Variants in CENPK observed in about 807,000 individuals in gnomAD.
The protein encoded by CENPK is centromere protein K.
CENPK carries 46 observed loss-of-function variants against 40.9 expected under a neutral mutation model. That is an observed-to-expected ratio of 1.13 (90% confidence interval 0.89 to 1.44). The LOEUF (loss-of-function observed/expected upper bound fraction) is 1.44. CENPK is among the 40% of genes most tolerant of loss of function. The probability of loss-of-function intolerance (pLI) is 0.00; values close to 1 mark genes in which losing one functional copy is unlikely to be tolerated. For missense variants in CENPK, 288 were observed against 303.5 expected (o/e 0.95, Z 0.38); for synonymous variants, 107 against 104.4 (o/e 1.02, Z -0.15).
chr5:65,502,653 C>A, the CENPK span, among the ~76,000 whole-genome samples: 2 of 151,954 alleles, frequency 1.3e-5, no homozygotes, highest in African/African-American at 4.8e-5. Context: ...CTCTGTCACC[C>A]AGGCTAGAGG....
intron 6 of CENPK, among the ~76,000 whole-genome samples, chr5:65,535,523 A>G (rs1358235987): frequency 6.6e-6 from 1 of 152,228 alleles, no homozygotes; most frequent in African/African-American, 2.4e-5. Flanking sequence ...ATACATAGTT[A>G]AGGTCAGTTA....
chr5:65,522,997 G>C (rs1326055485), intron 9 of CENPK, among the ~76,000 whole-genome samples: 1 of 152,094 alleles, frequency 6.6e-6, no homozygotes, highest in East Asian at 1.9e-4. Context: ...AAATGCCAAA[G>C]TATTTTTCAT....
the CENPK span, among the ~76,000 whole-genome samples, chr5:65,496,523 G>A: frequency 1.3e-5 from 2 of 152,092 alleles, no homozygotes; most frequent in Non-Finnish European, 2.9e-5. Flanking sequence ...TCATTATATA[G>A]TATAATCATA....
At chr5:65,529,499 T>C (rs993260916) in intron 6 of CENPK, 1 of 216,082 alleles carries the variant, frequency 4.6e-6, no homozygotes. Flanking sequence ...TTCTTTCTTT[T>C]TTTTTTTTGA....
intron 9 of CENPK, among the ~76,000 whole-genome samples, chr5:65,523,983 A>G (rs1341390980): frequency 1.3e-5 from 2 of 152,170 alleles, no homozygotes; most frequent in African/African-American, 4.8e-5. Flanking sequence ...AAGTATTTAC[A>G]CCATCCAAGA....
chr5:65,544,581 T>C (rs1581031268), intron 5 of CENPK, among the ~76,000 whole-genome samples: 1 of 152,160 alleles, frequency 6.6e-6, no homozygotes, highest in African/African-American at 2.4e-5. Context: ...TGCACATCCA[T>C]GTTCATGGCA....
intron 6 of CENPK, among the ~76,000 whole-genome samples, chr5:65,536,040 G>C (rs779725909): frequency 3.3e-5 from 5 of 152,222 alleles, no homozygotes; most frequent in Non-Finnish European, 5.9e-5. Flanking sequence ...CTCCTGTAGA[G>C]CTGGCTCACT....
At chr5:65,532,669 G>A (rs1746051600) in intron 6 of CENPK, among the ~76,000 whole-genome samples, 2 of 151,934 alleles carry the variant, frequency 1.3e-5, no homozygotes, top group South Asian at 2.1e-4. Flanking sequence ...CAGGACTTTC[G>A]GAGGCTGAGG....
intron 6 of CENPK, among the ~76,000 whole-genome samples, chr5:65,536,944 C>A (rs72762431): frequency 2.6e-5 from 4 of 152,280 alleles, no homozygotes; most frequent in Non-Finnish European, 4.4e-5. Flanking sequence ...GTGATTAATG[C>A]CATAATTGCC....
At chr5:65,551,290 C>T in intron 5 of CENPK, 1 of 284,026 alleles carries the variant, frequency 3.5e-6, no homozygotes, top group Admixed American at 5.1e-5. Flanking sequence ...TTTACCATTT[C>T]TAGCGAGCAT....
At chr5:65,524,157 C>T (rs1006419041) in intron 9 of CENPK, among the ~76,000 whole-genome samples, 1 of 151,884 alleles carries the variant, frequency 6.6e-6, no homozygotes. Flanking sequence ...GGGCAGATCA[C>T]CAGCTCAGGA....
intron 9 of CENPK, among the ~76,000 whole-genome samples, chr5:65,527,644 C>T (rs1744967217): frequency 6.7e-6 from 1 of 149,952 alleles, no homozygotes; most frequent in Non-Finnish European, 1.5e-5. Flanking sequence ...TTAAAATAGT[C>T]AATAACTTAC....
chr5:65,533,607 A>G (rs1246053574), intron 6 of CENPK, among the ~76,000 whole-genome samples: 3 of 152,156 alleles, frequency 2.0e-5, no homozygotes, highest in East Asian at 3.8e-4. Flanking sequence ...AGAGATAAAA[A>G]TTATACAGAA....
chr5:65,526,254 A>G (rs1744690026), intron 9 of CENPK, among the ~76,000 whole-genome samples: 1 of 152,180 alleles, frequency 6.6e-6, no homozygotes, highest in African/African-American at 2.4e-5. Context: ...CAGAAAATAA[A>G]TCAGTGAGTT....
At chr5:65,509,530 C>T in the CENPK span, among the ~76,000 whole-genome samples, 2 of 152,092 alleles carry the variant, frequency 1.3e-5, no homozygotes, top group African/African-American at 2.4e-5. Context: ...TTTGTTTATC[C>T]ATTTATTTAC....
chr5:65,554,714 A>T, intron 3 of CENPK, 83 bp downstream of exon 3: 1 of 792,826 alleles, frequency 1.3e-6, no homozygotes, highest in Admixed American at 2.2e-5. Context: ...AAACTAGCAC[A>T]ATCATTTCTT....
In CENPK at chr5:65,518,596, G is replaced by A. The variant is rs1454009624; in HGVS notation, c.689C>T (p.Pro230Leu). 6.3e-7 allele frequency: 1 copy of A among 1,594,018 alleles called. No homozygotes were observed. The highest frequency in any genetic ancestry group is 8.6e-7 in the Non-Finnish European group (1 of 1,163,800). ...AAAGGAATCACTAATTTTGACATAT[G>A]GATCATGTGGAACATCAAATAATCT... ...INRLFDVPHD[P>L]YVKISDSFWP... The change falls in exon 11 of 11, where the codon CCA (proline) becomes CTA (leucine). Residue 230 changes from proline (P) to leucine (L), a missense_variant. By Grantham distance (98) the Pro-to-Leu change is moderately conservative (BLOSUM62 -3). Transcript: ENST00000396679.
chr5:65,502,837 G>T, the CENPK span, among the ~76,000 whole-genome samples: 1 of 151,428 alleles, frequency 6.6e-6, no homozygotes, highest in African/African-American at 2.4e-5. Context: ...AGACAGTCTT[G>T]CTCTGTCACC....
intron 3 of CENPK, among the ~76,000 whole-genome samples, chr5:65,553,221 C>T (rs1279275106): frequency 6.6e-6 from 1 of 151,968 alleles, no homozygotes; most frequent in African/African-American, 2.4e-5. Context: ...CTAATTTGAC[C>T]AGTTCTGAAA....
Sources: gnomAD v4.1 joint callset for allele counts (sites outside exome capture counted in the v4.1 genomes callset) on GRCh38, gnomAD v4.1.1 for gene constraint, MANE v1.5 for transcripts, NCBI Gene and HGNC (gene_info 2026-07-23, HGNC 2026-07-21) for gene names.